Variants in DNAH11 observed in about 807,000 individuals in gnomAD.
DNAH11 encodes axonemal beta dynein heavy chain 11.
DNAH11 carries 442 observed loss-of-function variants against 526.0 expected under a neutral mutation model. That is an observed-to-expected ratio of 0.84 (90% confidence interval 0.78 to 0.91). The LOEUF is 0.91. Among genes scored for constraint, DNAH11 ranks in the 40% least tolerant of loss-of-function variants. The pLI is 0.00. For missense variants in DNAH11, 6,989 were observed against 5,448.7 expected, an observed-to-expected ratio of 1.28 and a Z score of -8.90; for synonymous variants, 2,461 against 1,935.9, an observed-to-expected ratio of 1.27 and a Z score of -7.12.
intron 35 of DNAH11, among the ~76,000 whole-genome samples, chr7:21,692,057 C>T (rs564841509): frequency 6.6e-6 from 1 of 152,178 alleles, no homozygotes; most frequent in Non-Finnish European, 1.5e-5. Context: ...TTACGATTCA[C>T]TTATAATTTA....
Position 21,543,528 on chromosome 7 carries a change from G to A in DNAH11, c.283G>A (p.Glu95Lys). ...CCGGCAGGTTCTTGGGGAGTTTCTG[G>A]AAAGCACCAGCCCGGCTTGCCTTGT... ...DNRQVLGEFLESTSPACLVFS... is the reference protein window; with the variant it reads ...DNRQVLGEFLKSTSPACLVFS... The change falls in exon 1 of 82, where the codon GAA (glutamate) becomes AAA (lysine). Residue 95 changes from glutamate to lysine, a missense_variant. By Grantham distance (56) the Glu-to-Lys change is moderately conservative (BLOSUM62 1). Transcript: ENST00000409508. The A allele has an allele frequency of 2.5e-6, 4 of 1,609,988 alleles. No homozygotes were observed. The highest frequency in any genetic ancestry group is 3.4e-6 in the Non-Finnish European group (4 of 1,178,182).
intron 44 of DNAH11, among the ~76,000 whole-genome samples, chr7:21,724,378 G>T (rs115169040): frequency 1.3e-5 from 2 of 152,202 alleles, no homozygotes; most frequent in Non-Finnish European, 2.9e-5. Flanking sequence ...TGCAAACACC[G>T]ATCACCTCCT....
At chr7:21,837,397 A>G (rs926352308) in intron 65 of DNAH11, among the ~76,000 whole-genome samples, 3 of 152,214 alleles carry the variant, frequency 2.0e-5, no homozygotes, top group Admixed American at 6.5e-5. Flanking sequence ...ACTCAGTCAT[A>G]AAAAAGAATA....
intron 8 of DNAH11, among the ~76,000 whole-genome samples, chr7:21,581,163 G>T (rs1047191084): frequency 1.3e-5 from 2 of 152,210 alleles, no homozygotes; most frequent in African/African-American, 4.8e-5. Context: ...TCTGTGGTGT[G>T]TACTTCAGAG....
At chr7:21,647,174 C>T (rs1787393137) in intron 28 of DNAH11, among the ~76,000 whole-genome samples, 1 of 152,102 alleles carries the variant, frequency 6.6e-6, no homozygotes, top group African/African-American at 2.4e-5. Context: ...TGAAAAACAA[C>T]AGCCAAAAGT....
chr7:21,612,896 G>GA lies in DNAH11; in HGVS notation c.3853-2212dup, dbSNP rs551557565. 1.2e-3 allele frequency among the ~76,000 whole-genome samples: 180 copies of GA among 152,202 alleles called. 2 individuals carry two copies. Among genetic ancestry groups the GA allele is most frequent in the African/African-American group, 4.2e-3 (174 of 41,522 alleles). On this transcript the variant is annotated intron_variant, in intron 20 of 81. Transcript: ENST00000409508. ...ATTAATTGCATTAACAAATTAGGGA[G>GA]AAAAAATCGTATGATTATCGCGAGA... is the stretch of plus-strand genomic sequence containing the variant.
chr7:21,658,946 T>C lies in DNAH11; in HGVS notation c.5243T>C (p.Ile1748Thr). The C allele has an allele frequency of 6.2e-7, 1 of 1,610,966 alleles. No individual in the cohort carries two copies. The highest frequency in any genetic ancestry group is 8.5e-7 in the Non-Finnish European group (1 of 1,178,702). The change falls in exon 30 of 82, where the codon ATA (isoleucine) becomes ACA (threonine). Residue 1748 changes from isoleucine (I) to threonine (T), a missense_variant. Physicochemically the swap from Ile to Thr is moderately conservative, Grantham distance 89 (BLOSUM62 -1). Coordinates refer to ENST00000409508, the MANE Select transcript of DNAH11 (RefSeq NM_001277115.2). Reference sequence around the variant, plus strand: ...CAGGTTGCACTAACCAGCTCACAAATATGGTGGACCACAGATGTAGGAATA... The same window carrying C: ...CAGGTTGCACTAACCAGCTCACAAACATGGTGGACCACAGATGTAGGAATA... ...PAQVALTSSQIWWTTDVGIAF... is the reference protein window; with the variant it reads ...PAQVALTSSQTWWTTDVGIAF...
chr7:21,720,081 G>A (rs568750749), intron 43 of DNAH11, among the ~76,000 whole-genome samples: 1 of 152,292 alleles, frequency 6.6e-6, no homozygotes, highest in African/African-American at 2.4e-5. Flanking sequence ...TGAAGAACAC[G>A]TTCCTGAGTT....
chr7:21,761,254 G>A (rs7796122), intron 54 of DNAH11, among the ~76,000 whole-genome samples: 107,735 of 152,090 alleles, frequency 0.71, 39,093 homozygotes, highest in Admixed American at 0.79. Context: ...TGAGCAGTGA[G>A]TTGGGTCAAT....
intron 79 of DNAH11, among the ~76,000 whole-genome samples, chr7:21,895,758 C>G (rs1331832096): frequency 6.6e-6 from 1 of 152,162 alleles, no homozygotes; most frequent in African/African-American, 2.4e-5. Flanking sequence ...GAGACAGAGT[C>G]TCACTCTCTC....
intron 73 of DNAH11, 100 bp from the exon 74 acceptor site, chr7:21,873,172 TTC>T: frequency 9.4e-7 from 1 of 1,058,210 alleles, no homozygotes; most frequent in South Asian, 1.5e-5. Flanking sequence ...TGAATCATGG[TTC>T]TCTGAGTTTT....
intron 14 of DNAH11, among the ~76,000 whole-genome samples, chr7:21,599,369 A>G (rs566385451): frequency 6.6e-6 from 1 of 152,366 alleles, no homozygotes; most frequent in South Asian, 2.1e-4. Context: ...CAGATGTTCC[A>G]GAACAGTGTT....
chr7:21,679,438 TG>T (rs1241215766), intron 30 of DNAH11, among the ~76,000 whole-genome samples: 1 of 152,158 alleles, frequency 6.6e-6, no homozygotes, highest in African/African-American at 2.4e-5. Flanking sequence ...TTAGCTTGGT[TG>T]GGGTAATAGT....
At chr7:21,879,794 G>A (rs1783846628) in intron 74 of DNAH11, among the ~76,000 whole-genome samples, 1 of 152,020 alleles carries the variant, frequency 6.6e-6, no homozygotes, top group Non-Finnish European at 1.5e-5. Flanking sequence ...CATAGAAAAG[G>A]AAAGAGTTCG....
intron 2 of DNAH11, among the ~76,000 whole-genome samples, chr7:21,549,504 T>G (rs1376910413): frequency 2.6e-5 from 4 of 152,168 alleles, no homozygotes; most frequent in Non-Finnish European, 5.9e-5. Flanking sequence ...ATGGGGGGGT[T>G]GAGTTTTTTA....
At chr7:21,789,763 C>CCCTT (rs1788355891) in intron 61 of DNAH11, among the ~76,000 whole-genome samples, 1 of 72,996 alleles carries the variant, frequency 1.4e-5, no homozygotes, top group Non-Finnish European at 3.0e-5. Context: ...ATTTCTTTCT[C>CCCTT]TCTTTCTTTC....
At position 21,841,202 on chromosome 7, in the gene DNAH11, A is replaced by G. The variant is rs901091460; in HGVS notation, c.10692-1342A>G. Among the ~76,000 whole-genome samples the G allele has an allele frequency of 6.6e-5, 10 of 152,140 alleles. 1 individual carries two copies. The highest frequency in any genetic ancestry group is 1.9e-4 in the African/African-American group (8 of 41,428). ...CTGTCACACACACACAAAAAAGAAT[A>G]TATGTGTTTTTAATATTTCATCTTT... On this transcript the variant is annotated intron_variant, in intron 65 of 81. Coordinates refer to ENST00000409508, the MANE Select transcript of DNAH11 (RefSeq NM_001277115.2).
At chr7:21,612,961 A>G (rs540849288) in intron 20 of DNAH11, among the ~76,000 whole-genome samples, 8 of 152,246 alleles carry the variant, frequency 5.3e-5, no homozygotes, top group African/African-American at 9.6e-5. Context: ...ACATTCATTC[A>G]TGATAGAAAC....
At position 21,613,416 on chromosome 7, in the gene DNAH11, G is replaced by A. The variant is rs552377662; in HGVS notation, c.3853-1698G>A. On this transcript the variant is annotated intron_variant, in intron 20 of 81. Transcript: ENST00000409508. ...TAGTCATATTTCTTAGGCTAGGTGG[G>A]GAACAAACGCATATATCCTTTTATG... 4.6e-5 allele frequency among the ~76,000 whole-genome samples: 7 copies of A among 152,122 alleles called. No homozygotes were observed. The East Asian group carries it at 1.4e-3, about 29-fold the overall frequency.
Sources: gnomAD v4.1 joint callset for allele counts (sites outside exome capture counted in the v4.1 genomes callset) on GRCh38, gnomAD v4.1.1 for gene constraint, MANE v1.5 for transcripts, NCBI Gene and HGNC (gene_info 2026-07-23, HGNC 2026-07-21) for gene names.